Variants in ARHGAP6 observed in about 807,000 individuals in gnomAD.
The protein encoded by ARHGAP6 is Rho GTPase activating protein 6.
ARHGAP6 carries 16 observed loss-of-function variants against 55.7 expected under a neutral mutation model. The ratio of observed to expected loss-of-function variants is 0.29; its 90% CI spans 0.19 to 0.44. ARHGAP6 has a LOEUF of 0.44. ARHGAP6 is among the 20% of genes least tolerant of loss of function. ARHGAP6 has a pLI of 1.00. For synonymous variants in ARHGAP6, 382 were observed against 360.9 expected (o/e 1.06, Z -0.66); for missense variants, 698 against 808.9 (o/e 0.86, Z 1.66).
rs2048884945 is a variant in ARHGAP6 at position 11,353,299 on chromosome X, C to T, written c.589-98592G>A. On this transcript the variant is annotated intron_variant, in intron 1 of 12. Transcript: ENST00000337414. ...AAAGAATTTCCCTCTCTAAGTTAGG[C>T]TGACTAGTGTGGTGCTGTGGAGACA... Among the ~76,000 whole-genome samples the T allele has an allele frequency of 2.7e-5, 3 of 111,874 alleles. No individual in the cohort carries two copies. The South Asian group carries it at 1.1e-3, about 42-fold the overall frequency.
intron 1 of ARHGAP6, among the ~76,000 whole-genome samples, chrX:11,485,405 T>G: frequency 8.9e-6 from 1 of 112,408 alleles, no homozygotes; most frequent in African/African-American, 3.2e-5. Flanking sequence ...ATCAGCTGAA[T>G]GCATTGGAAG....
rs757333545 is a variant in ARHGAP6 at position 11,587,452 on chromosome X, T to C, written c.588+76789A>G. ...AGAATTTGGGAGATCATCACAGGCA[T>C]AGAGAGCAATCTGAAAGAAGACCCT... On this transcript the variant is annotated intron_variant, in intron 1 of 12. Coordinates refer to ENST00000337414, the MANE Select transcript of ARHGAP6 (RefSeq NM_013427.3). Among the ~76,000 whole-genome samples, 122 of 111,698 alleles carry C rather than the reference T, an allele frequency of 1.1e-3. 1 individual carries two copies. The South Asian group carries it at 0.014, about 13-fold the overall frequency.
At chrX:11,613,174 T>C (rs2147155431) in intron 1 of ARHGAP6, among the ~76,000 whole-genome samples, 1 of 112,139 alleles carries the variant, frequency 8.9e-6, no homozygotes, top group South Asian at 3.7e-4. Context: ...GTGACCAAAC[T>C]TAAGCGTTAA....
At chrX:11,296,473 T>C (rs1007829273) in intron 1 of ARHGAP6, among the ~76,000 whole-genome samples, 3 of 111,724 alleles carry the variant, frequency 2.7e-5, no homozygotes, top group African/African-American at 9.8e-5. Context: ...CAAAGATCAC[T>C]GGAGAATAAA....
intron 1 of ARHGAP6, among the ~76,000 whole-genome samples, chrX:11,326,150 T>C (rs1485515365): frequency 1.3e-4 from 14 of 104,178 alleles, no homozygotes; most frequent in African/African-American, 4.9e-4. Context: ...TTTTTTGAGA[T>C]GGAGTTTCGC....
chrX:11,662,364 T>C (rs2052711752), intron 1 of ARHGAP6, among the ~76,000 whole-genome samples: 1 of 112,228 alleles, frequency 8.9e-6, no homozygotes, highest in Non-Finnish European at 1.9e-5. Flanking sequence ...GCTAGAGTTC[T>C]ATCCAATCAC....
rs957360984 is a variant in ARHGAP6 at position 11,643,441 on chromosome X, T to C, written c.588+20800A>G. Reference sequence around the variant, plus strand: ...CCTCTTCTTTGTTTCCAAAACACTTTATAAATTTTTTACAACTATTGTTTA... The same window carrying C: ...CCTCTTCTTTGTTTCCAAAACACTTCATAAATTTTTTACAACTATTGTTTA... On this transcript the variant is annotated intron_variant, in intron 1 of 12. Transcript: ENST00000337414. 2.7e-5 allele frequency among the ~76,000 whole-genome samples: 3 copies of C among 112,187 alleles called. No homozygotes were observed. In the Admixed American group the frequency reaches 2.8e-4, roughly 11 times the overall value.
In ARHGAP6 at chrX:11,236,293, T is replaced by G. The variant is rs1035274711; in HGVS notation, c.748+18255A>C. On this transcript the variant is annotated intron_variant, in intron 2 of 12. Coordinates refer to ENST00000337414, the MANE Select transcript of ARHGAP6 (RefSeq NM_013427.3). ...CCCCTTATAAAACCATCAGCTCGTGTGCGAACTCACTATTACGAGAACAGC... is the reference window on the plus strand; with the variant it reads ...CCCCTTATAAAACCATCAGCTCGTGGGCGAACTCACTATTACGAGAACAGC... 2.7e-5 allele frequency among the ~76,000 whole-genome samples: 3 copies of G among 111,569 alleles called. No homozygotes were observed. The East Asian group carries it at 8.4e-4, about 31-fold the overall frequency.
At chrX:11,560,767 A>G (rs2051376916) in intron 1 of ARHGAP6, among the ~76,000 whole-genome samples, 1 of 112,589 alleles carries the variant, frequency 8.9e-6, no homozygotes, top group East Asian at 2.8e-4. Flanking sequence ...AAATGCTCCT[A>G]AAGTCATGCA....
At chrX:11,312,910 C>T (rs1468561963) in intron 1 of ARHGAP6, among the ~76,000 whole-genome samples, 1 of 111,708 alleles carries the variant, frequency 9.0e-6, no homozygotes, top group Non-Finnish European at 1.9e-5. Flanking sequence ...TCACATTTCT[C>T]CCAAACAAAT....
At chrX:11,154,468 T>C (rs1437462368) in intron 10 of ARHGAP6, among the ~76,000 whole-genome samples, 2 of 112,638 alleles carry the variant, frequency 1.8e-5, no homozygotes, top group African/African-American at 6.5e-5. Flanking sequence ...AGAGTGTATT[T>C]GAAAACCATG....
In ARHGAP6 at chrX:11,175,186, A is replaced by T. The variant is rs58594316; in HGVS notation, c.1629+2914T>A. Among the ~76,000 whole-genome samples, 569 of 111,747 alleles carry T rather than the reference A, an allele frequency of 5.1e-3. 3 individuals carry two copies. Among genetic ancestry groups the T allele is most frequent in the African/African-American group, 0.017 (524 of 30,783 alleles). On this transcript the variant is annotated intron_variant, in intron 8 of 12. Transcript: ENST00000337414. ...TCAACCACCTGCCCTGCACAGAGGC[A>T]TTCAGCAATTTATGAACATGGCCCA...
At chrX:11,280,647 A>C (rs1291488849) in intron 1 of ARHGAP6, among the ~76,000 whole-genome samples, 1 of 106,089 alleles carries the variant, frequency 9.4e-6, no homozygotes, top group Non-Finnish European at 1.9e-5. Flanking sequence ...TGGGAGGCTG[A>C]GATGGGAGGA....
intron 1 of ARHGAP6, among the ~76,000 whole-genome samples, chrX:11,307,088 A>G (rs915753541): frequency 9.0e-6 from 1 of 111,028 alleles, no homozygotes; most frequent in Non-Finnish European, 1.9e-5. Context: ...ACGCAAGTCC[A>G]GTGCTCGTAG....
At chrX:11,571,478 G>C (rs762845269) in intron 1 of ARHGAP6, among the ~76,000 whole-genome samples, 1 of 110,015 alleles carries the variant, frequency 9.1e-6, no homozygotes, top group Non-Finnish European at 1.9e-5. Flanking sequence ...TGCTACGAAG[G>C]GATTTTGAAA....
chrX:11,617,891 G>A (rs1026368439), intron 1 of ARHGAP6, among the ~76,000 whole-genome samples: 3 of 111,031 alleles, frequency 2.7e-5, no homozygotes, highest in Non-Finnish European at 5.7e-5. Context: ...AGCCTTTTGT[G>A]GTTGACCCCA....
intron 2 of ARHGAP6, among the ~76,000 whole-genome samples, chrX:11,246,002 T>C (rs1427631503): frequency 1.8e-5 from 2 of 111,944 alleles, no homozygotes; most frequent in Non-Finnish European, 3.8e-5. Flanking sequence ...TTGCTTTTTG[T>C]TTTTCCAACA....
At chrX:11,660,300 C>T (rs1348434420) in intron 1 of ARHGAP6, among the ~76,000 whole-genome samples, 1 of 109,315 alleles carries the variant, frequency 9.1e-6, no homozygotes, top group East Asian at 2.9e-4. Context: ...GTGGCTCATG[C>T]CTGTAATCCT....
At chrX:11,364,873 G>C (rs2049055754) in intron 1 of ARHGAP6, among the ~76,000 whole-genome samples, 1 of 110,736 alleles carries the variant, frequency 9.0e-6, no homozygotes, top group Non-Finnish European at 1.9e-5. Flanking sequence ...TGCTGTCTCA[G>C]GTCCGGCACT....
Sources: allele counts gnomAD v4.1 joint callset (sites outside exome capture counted in the v4.1 genomes callset), GRCh38; gene constraint gnomAD v4.1.1; transcripts MANE v1.5; gene names NCBI Gene and HGNC (gene_info 2026-07-23, HGNC 2026-07-21).